OTUD7A: variants seen among roughly 807,000 people sequenced by gnomAD.
OTUD7A encodes OTU domain-containing protein 7A.
In OTUD7A, 12 loss-of-function variants were observed where a neutral mutation model predicts 65.7. The observed-to-expected ratio is 0.18, with a 90% confidence interval of 0.12 to 0.30. OTUD7A has a LOEUF of 0.30. Ranked by LOEUF, OTUD7A falls within the 10% of genes least tolerant of loss-of-function variation. OTUD7A has a pLI of 1.00. For missense variants in OTUD7A, 1,148 were observed against 1,304.8 expected (o/e 0.88, Z 1.85); for synonymous variants, 641 against 586.3 (o/e 1.09, Z -1.35).
intron 1 of OTUD7A, among the ~76,000 whole-genome samples, chr15:31,850,027 G>A (rs1267344807): frequency 6.6e-6 from 1 of 152,164 alleles, no homozygotes; most frequent in African/African-American, 2.4e-5. Flanking sequence ...TCTAGAACTA[G>A]AAATACCATT....
chr15:31,782,177 C>T (rs1452745038), intron 1 of OTUD7A, among the ~76,000 whole-genome samples: 3 of 152,180 alleles, frequency 2.0e-5, no homozygotes, highest in Non-Finnish European at 2.9e-5. Flanking sequence ...GCTCACACTG[C>T]AGGGGAACCT....
At chr15:31,637,742 A>G (rs1401147840) in intron 3 of OTUD7A, among the ~76,000 whole-genome samples, 3 of 152,164 alleles carry the variant, frequency 2.0e-5, no homozygotes, top group Non-Finnish European at 4.4e-5. Flanking sequence ...ATGGATTCCA[A>G]CTCTCATGGA....
chr15:31,733,699 T>C (rs2141364229), intron 1 of OTUD7A, among the ~76,000 whole-genome samples: 1 of 152,352 alleles, frequency 6.6e-6, no homozygotes, highest in Non-Finnish European at 1.5e-5. Context: ...AATGAAGTCA[T>C]GGCTGGAACT....
chr15:31,789,093 T>C (rs563039836), intron 1 of OTUD7A, among the ~76,000 whole-genome samples: 6 of 152,274 alleles, frequency 3.9e-5, no homozygotes, highest in African/African-American at 1.4e-4. Flanking sequence ...GGAAATAAAT[T>C]TCATTTTTTT....
At chr15:31,675,865 A>G (rs1892584855) in intron 1 of OTUD7A, among the ~76,000 whole-genome samples, 1 of 152,246 alleles carries the variant, frequency 6.6e-6, no homozygotes, top group Admixed American at 6.5e-5. Context: ...TCCTTTGCAG[A>G]AAACAATAAA....
At chr15:31,716,974 T>C (rs998182541) in intron 1 of OTUD7A, among the ~76,000 whole-genome samples, 26 of 152,240 alleles carry the variant, frequency 1.7e-4, no homozygotes, top group African/African-American at 6.0e-4. Flanking sequence ...TTCAGATATA[T>C]AGAAAACTTG....
intron 1 of OTUD7A, among the ~76,000 whole-genome samples, chr15:31,773,639 C>A (rs188550621): frequency 6.6e-6 from 1 of 152,312 alleles, no homozygotes; most frequent in African/African-American, 2.4e-5. Flanking sequence ...AGTTTAATCC[C>A]AGCTTCCACT....
chr15:31,487,260 T>C lies in OTUD7A; in HGVS notation c.1305A>G (p.Glu435=). 6.2e-7 allele frequency: 1 copy of C among 1,614,082 alleles called. No homozygotes were observed. Among genetic ancestry groups the C allele is most frequent in the Non-Finnish European group, 8.5e-7 (1 of 1,180,002 alleles). The change falls in exon 12 of 13, where the codon GAA becomes GAG. Residue 435 remains glutamate, a synonymous_variant. Transcript: ENST00000307050. The surrounding 1 kb of genome is among the most constrained non-coding windows in gnomAD (Gnocchi z 6.0). The part of the protein sequence containing the change: ...ARLAHLILSL[E]AKLNLLHSYM... ...AGCTGTGCAGAAGGTTCAGCTTGGC[T>C]TCTAGCGACAGGATAAGGCTGGCAA...
At chr15:31,866,452 A>AT (rs2141022601) in intron 1 of OTUD7A, among the ~76,000 whole-genome samples, 1 of 152,278 alleles carries the variant, frequency 6.6e-6, no homozygotes, top group East Asian at 1.9e-4. Flanking sequence ...TTAAAGACTT[A>AT]TTTTTAACCC....
rs1595558556 is a variant in OTUD7A, at chr15:31,498,960, T to C, written c.1171+2730A>G. On this transcript the variant is annotated intron_variant, in intron 10 of 12. Transcript: ENST00000307050. The surrounding 1 kb of genome is among the most constrained non-coding windows in gnomAD (Gnocchi z 4.2). ...ATGGGAGGATTCCTGAACTTGAAGA[T>C]GGTCAGTGGCGGCATCAGCAGTAGC... Among the ~76,000 whole-genome samples the C allele has an allele frequency of 6.6e-6, 1 of 152,276 alleles. No individual in the cohort carries two copies. The highest frequency in any genetic ancestry group is 1.5e-5 in the Non-Finnish European group (1 of 68,010).
chr15:31,499,961 T>C (rs7179479), intron 10 of OTUD7A, among the ~76,000 whole-genome samples: 6,741 of 152,228 alleles, frequency 0.044, 500 homozygotes, highest in African/African-American at 0.15. Flanking sequence ...ATATGTGCCT[T>C]GAAAACACCA....
chr15:31,528,588 G>A (rs1191504966), intron 6 of OTUD7A, among the ~76,000 whole-genome samples: 1 of 152,244 alleles, frequency 6.6e-6, no homozygotes, highest in Non-Finnish European at 1.5e-5. Flanking sequence ...AGGGGAGGGG[G>A]AATGACCACT....
chr15:31,788,260 G>A (rs1895725450), intron 1 of OTUD7A, among the ~76,000 whole-genome samples: 1 of 152,152 alleles, frequency 6.6e-6, no homozygotes, highest in Non-Finnish European at 1.5e-5. Context: ...CTGATATGGT[G>A]TCATCATGCC....
chr15:31,605,586 C>T (rs2141216101), intron 3 of OTUD7A, among the ~76,000 whole-genome samples: 1 of 152,316 alleles, frequency 6.6e-6, no homozygotes, highest in East Asian at 1.9e-4. Flanking sequence ...TTGGGCAAAG[C>T]CATTAGGGGG....
intron 3 of OTUD7A, among the ~76,000 whole-genome samples, chr15:31,616,077 G>A (rs8032083): frequency 0.049 from 7,431 of 152,246 alleles, 358 homozygotes; most frequent in African/African-American, 0.13. Flanking sequence ...GTAATAAAGC[G>A]GTGAAACCTC....
intron 12 of OTUD7A, among the ~76,000 whole-genome samples, chr15:31,485,224 A>G (rs2041220042): frequency 6.6e-6 from 1 of 152,160 alleles, no homozygotes; most frequent in Non-Finnish European, 1.5e-5. Flanking sequence ...TGGGGAGGAC[A>G]CTGGGCCTGC....
chr15:31,633,834 C>T (rs554843723), intron 3 of OTUD7A, among the ~76,000 whole-genome samples: 158 of 152,318 alleles, frequency 1.0e-3, no homozygotes, highest in African/African-American at 3.2e-3. Context: ...GCTCCCCACC[C>T]GCTAGCGAGC....
At chr15:31,794,476 T>C (rs1895897779) in intron 1 of OTUD7A, among the ~76,000 whole-genome samples, 1 of 107,440 alleles carries the variant, frequency 9.3e-6, no homozygotes, top group African/African-American at 3.7e-5. Flanking sequence ...CTATTTTTGT[T>C]AAGTACCAAG....
chr15:31,660,156 G>A (rs1419809593), intron 1 of OTUD7A, among the ~76,000 whole-genome samples: 1 of 152,280 alleles, frequency 6.6e-6, no homozygotes, highest in African/African-American at 2.4e-5. Context: ...CCCTGTTAAG[G>A]GGGTGAATGG....
Sources: gnomAD v4.1 joint callset for allele counts (sites outside exome capture counted in the v4.1 genomes callset) on GRCh38, gnomAD v4.1.1 for gene constraint, Gnocchi (gnomAD v3.1) non-coding constraint, MANE v1.5 for transcripts, NCBI Gene and HGNC (gene_info 2026-07-23, HGNC 2026-07-21) for gene names.